Variants in IGLL1 observed in about 807,000 individuals in gnomAD.
IGLL1 encodes immunoglobulin lambda-like polypeptide 1.
IGLL1 carries 10 observed loss-of-function variants against 10.5 expected under a neutral mutation model. The ratio of observed to expected loss-of-function variants is 0.95; its 90% CI spans 0.59 to 1.62. The LOEUF (loss-of-function observed/expected upper bound fraction) is 1.62, where lower values mean the gene tolerates loss of function less well. Among genes scored for constraint, IGLL1 ranks in the 40% most tolerant of loss-of-function variants. IGLL1 has a pLI of 0.00. For synonymous variants in IGLL1, 141 were observed against 122.7 expected, an observed-to-expected ratio of 1.15 and a Z score of -0.99; for missense variants, 284 against 278.7, an observed-to-expected ratio of 1.02 and a Z score of -0.14.
In IGLL1 at chr22:23,573,304, T is replaced by C; in HGVS notation, c.604A>G (p.Thr202Ala). 1 of 1,614,108 alleles carries C rather than the reference T, an allele frequency of 6.2e-7. No individual in the cohort carries two copies. Among genetic ancestry groups the C allele is most frequent in the South Asian group, 1.1e-5 (1 of 91,086 alleles). Residue 202 changes from threonine to alanine, a missense_variant, in exon 3 of 3, where the codon ACC (threonine) becomes GCC (alanine). Physicochemically the swap from Thr to Ala is moderately conservative, Grantham distance 58 (BLOSUM62 0). Transcript: ENST00000330377. ...YSCQVMHEGS[T>A]VEKTVAPAEC... The stretch of plus-strand genomic sequence containing the variant: ...GCAGGGGCCACCGTCTTCTCCACGG[T>C]GCTCCCTTCGTGCATGACCTGGCAG...
intron 1 of IGLL1, among the ~76,000 whole-genome samples, chr22:23,577,294 C>CT (rs1925105289): frequency 6.6e-6 from 1 of 151,862 alleles, no homozygotes; most frequent in South Asian, 2.1e-4. Context: ...GTCCCAGCTA[C>CT]TGGGGACGCT....
intron 1 of IGLL1, among the ~76,000 whole-genome samples, chr22:23,575,434 C>T (rs1925011505): frequency 6.6e-6 from 1 of 152,144 alleles, no homozygotes; most frequent in South Asian, 2.1e-4. Context: ...CTGACTTCCT[C>T]CCTGGACCAG....
intron 1 of IGLL1, among the ~76,000 whole-genome samples, chr22:23,577,673 C>T (rs993889941): frequency 4.0e-5 from 6 of 150,948 alleles, no homozygotes; most frequent in Non-Finnish European, 8.8e-5. Context: ...GTAGCTGGGA[C>T]CACAGGCAAG....
At chr22:23,576,363 A>C (rs1307628850) in intron 1 of IGLL1, among the ~76,000 whole-genome samples, 5 of 146,206 alleles carry the variant, frequency 3.4e-5, no homozygotes, top group African/African-American at 1.0e-4. Flanking sequence ...ACTGTCCCAA[A>C]AAAAAAAAAA....
At chr22:23,573,673 G>T in intron 2 of IGLL1, 88 bp from the exon 3 acceptor site, 3 of 1,063,144 alleles carry the variant, frequency 2.8e-6, no homozygotes, top group East Asian at 2.5e-5. Flanking sequence ...CTCTGGGAGG[G>T]TTCATGGTGT....
rs772929362 is a variant in IGLL1, at chr22:23,574,999, A to T, written c.290T>A (p.Val97Glu). The part of the protein sequence containing the change: ...FQSKHNSVTH[V>E]FGSGTQLTVL... ...GGTGAGCTGGGTCCCGCTGCCAAAC[A>T]CATGCGTCACTGAGTTATGCTTGGA... Residue 97 changes from valine to glutamate, a missense_variant, in exon 2 of 3, where the codon GTG (valine) becomes GAG (glutamate). Coordinates refer to ENST00000330377, the MANE Select transcript of IGLL1 (RefSeq NM_020070.4). 18 of 1,613,942 alleles carry T rather than the reference A, an allele frequency of 1.1e-5. No homozygotes were observed. Among genetic ancestry groups the T allele is most frequent in the Non-Finnish European group, 1.5e-5 (18 of 1,179,868 alleles).
At chr22:23,578,653 AT>A (rs1295192517) in intron 1 of IGLL1, among the ~76,000 whole-genome samples, 2 of 152,084 alleles carry the variant, frequency 1.3e-5, no homozygotes, top group Non-Finnish European at 2.9e-5. Flanking sequence ...GGCCCCTCAG[AT>A]TGCAGAAGGG....
intron 1 of IGLL1, 108 bp downstream of exon 1, chr22:23,579,877 C>CT (rs1925250837): frequency 2.3e-6 from 2 of 859,358 alleles, no homozygotes; most frequent in Non-Finnish European, 3.5e-6. Context: ...TGGCTCCCCT[C>CT]CAGGGATTAA....
chr22:23,577,241 A>G (rs1300841993), intron 1 of IGLL1, among the ~76,000 whole-genome samples: 2 of 151,878 alleles, frequency 1.3e-5, no homozygotes, highest in African/African-American at 4.8e-5. Context: ...GCGAAACCTC[A>G]TCTCTACAAA....
chr22:23,579,450 A>G (rs928122220), intron 1 of IGLL1, among the ~76,000 whole-genome samples: 2 of 152,124 alleles, frequency 1.3e-5, no homozygotes, highest in Non-Finnish European at 2.9e-5. Context: ...GGCTGGTTTC[A>G]GGAGGCGATG....
intron 2 of IGLL1, among the ~76,000 whole-genome samples, chr22:23,574,077 C>T (rs548555372): frequency 1.3e-5 from 2 of 151,440 alleles, no homozygotes; most frequent in East Asian, 1.9e-4. Context: ...CCCTGGGGCT[C>T]TGCCGTCGCC....
rs963857780 is a variant in IGLL1, at chr22:23,580,268, G to T, written c.-78C>A. The T allele has an allele frequency of 2.6e-6, 4 of 1,527,302 alleles. No homozygotes were observed. In the East Asian group the frequency reaches 7.4e-5, roughly 28 times the overall value. The allele number at this position is 1,527,302 out of a possible 1,614,324, so 94.6% of individuals were successfully genotyped here. A position where few individuals can be genotyped will look rare whatever the true frequency, so the allele number is the denominator to read the frequency against. ...AGAGAGTGGTGCCCTGGTCCCTCTC[G>T]CTGGCAGCAGCTGTCCCATTGCACC... On this transcript the variant is annotated 5_prime_UTR_variant, in exon 1 of 3. Transcript: ENST00000330377.
intron 1 of IGLL1, 58 bp downstream of exon 1, chr22:23,579,927 T>A: frequency 6.9e-7 from 1 of 1,459,244 alleles, no homozygotes; most frequent in Non-Finnish European, 9.2e-7. Context: ...CCCTTGGTCA[T>A]CCTTTCCCGC....
intron 1 of IGLL1, among the ~76,000 whole-genome samples, chr22:23,576,227 C>T (rs765658313): frequency 1.3e-5 from 2 of 151,930 alleles, no homozygotes; most frequent in Non-Finnish European, 2.9e-5. Flanking sequence ...TGGACTCAGT[C>T]ACCTCGCCTC....
At chr22:23,577,283 A>G (rs776644464) in intron 1 of IGLL1, among the ~76,000 whole-genome samples, 1 of 152,108 alleles carries the variant, frequency 6.6e-6, no homozygotes, top group African/African-American at 2.4e-5. Context: ...GCATGCTTGT[A>G]GTCCCAGCTA....
Position 23,580,134 on chromosome 22 carries a change from G to T in IGLL1, c.57C>A (p.Asn19Lys). ...GCAGCAGGGGCCAGCGCTGCCTGAGGTTGGGGCCTGGCTCACCAGGGGCCT... is the reference window on the plus strand; with the variant it reads ...GCAGCAGGGGCCAGCGCTGCCTGAGTTTGGGGCCTGGCTCACCAGGGGCCT... The part of the protein sequence containing the change: ...GLEAPGEPGP[N>K]LRQRWPLLLL... Residue 19 changes from asparagine to lysine, a missense_variant, in exon 1 of 3, where the codon AAC becomes AAA. By Grantham distance (94) the Asn-to-Lys change is moderately conservative. Coordinates refer to ENST00000330377, the MANE Select transcript of IGLL1 (RefSeq NM_020070.4). 6.4e-7 allele frequency: 1 copy of T among 1,559,594 alleles called. No homozygotes were observed.
chr22:23,580,041 C>G lies in IGLL1; in HGVS notation c.150G>C (p.Leu50=). 1 of 1,577,436 alleles carries G rather than the reference C, an allele frequency of 6.3e-7. No individual in the cohort carries two copies. Among genetic ancestry groups the G allele is most frequent in the Non-Finnish European group, 8.6e-7 (1 of 1,164,794 alleles). Residue 50 remains leucine, a synonymous_variant, in exon 1 of 3, where the codon CTG becomes CTC. Coordinates refer to ENST00000330377, the MANE Select transcript of IGLL1 (RefSeq NM_020070.4). ...RPTAASQSRA[L]GPGAPGGSSR... ...TGCTTCCTCCAGGGGCTCCAGGGCC[C>G]AGGGCCCTGCTCTGCGATGCAGCTG...
rs138007109 is a variant in IGLL1 at position 23,573,450 on chromosome 22, C to A, written c.458G>T (p.Gly153Val). 97 of 1,613,916 alleles carry A rather than the reference C, an allele frequency of 6.0e-5. No individual in the cohort carries two copies. In the African/African-American group the frequency reaches 1.2e-3, roughly 20 times the overall value. ...CTCCACGCCCTGGGTGATGGGGGTACCATCTGCCTTCCAGGTCACCGTCAA... is the reference window on the plus strand; with the variant it reads ...CTCCACGCCCTGGGTGATGGGGGTAACATCTGCCTTCCAGGTCACCGTCAA... Reference protein sequence around the residue: ...GILTVTWKADGTPITQGVEMT... With the variant: ...GILTVTWKADVTPITQGVEMT... Residue 153 changes from glycine to valine, a missense_variant, in exon 3 of 3, where the codon GGT becomes GTT. Physicochemically the swap from Gly to Val is moderately radical, Grantham distance 109. Coordinates refer to ENST00000330377, the MANE Select transcript of IGLL1 (RefSeq NM_020070.4).
chr22:23,573,629 G>A lies in IGLL1; in HGVS notation c.323-44C>T, dbSNP rs368411741. 152 of 1,456,052 alleles carry A rather than the reference G, an allele frequency of 1.0e-4. No individual in the cohort carries two copies. In the African/African-American group the frequency reaches 1.9e-3, roughly 18 times the overall value. The allele number at this position is 1,456,052 out of a possible 1,614,324, so 90.2% of individuals were successfully genotyped here. A position where few individuals can be genotyped will look rare whatever the true frequency, so the allele number is the denominator to read the frequency against. On this transcript the variant is annotated intron_variant, in intron 2 of 2. Coordinates refer to ENST00000330377, the MANE Select transcript of IGLL1 (RefSeq NM_020070.4). ...GGGTGAGAGATGGCAGAGGGAGTGT[G>A]GGGTGTTGTGGAGCGCCTCTCTCTG...
Sources: allele counts gnomAD v4.1 joint callset (sites outside exome capture counted in the v4.1 genomes callset), GRCh38; gene constraint gnomAD v4.1.1; transcripts MANE v1.5; gene names NCBI Gene and HGNC (gene_info 2026-07-23, HGNC 2026-07-21).